CLOCK: variants seen among roughly 807,000 people sequenced by gnomAD.
CLOCK encodes the protein clock circadian regulator.
CLOCK carries 43 observed loss-of-function variants against 118.4 expected under a neutral mutation model. The ratio of observed to expected loss-of-function variants is 0.36; its 90% confidence interval spans 0.28 to 0.47. The LOEUF is 0.47. CLOCK is among the 20% of genes least tolerant of loss of function. The pLI is 1.00. For synonymous variants in CLOCK, 326 were observed against 339.2 expected (o/e 0.96, Z 0.43); for missense variants, 846 against 999.9 (o/e 0.85, Z 2.08).
intron 1 of CLOCK, among the ~76,000 whole-genome samples, chr4:55,539,401 C>A (rs1439178379): frequency 6.6e-6 from 1 of 151,684 alleles, no homozygotes; most frequent in Non-Finnish European, 1.5e-5. Flanking sequence ...TGACAAGACC[C>A]CGCCTATACA....
At chr4:55,484,953 G>A (rs1252312114) in intron 3 of CLOCK, among the ~76,000 whole-genome samples, 7 of 151,998 alleles carry the variant, frequency 4.6e-5, no homozygotes, top group Admixed American at 2.0e-4. Context: ...ATAGAACAAC[G>A]TAAGATCTCT....
At position 55,479,702 on chromosome 4, in the gene CLOCK, AAAAG is replaced by A; in HGVS notation, c.48-7_48-4del. Reference sequence around the variant, plus strand: ...CATCAAAAATACTACTGTCATCTCTAAAAGAAAGCGGATAGAGAAAGTAAGAGCA... The same window carrying A: ...CATCAAAAATACTACTGTCATCTCTAAAAGCGGATAGAGAAAGTAAGAGCA... On this transcript the variant is annotated splice_region_variant and splice_polypyrimidine_tract_variant and intron_variant, in intron 4 of 22. Coordinates refer to ENST00000513440, the MANE Select transcript of CLOCK (RefSeq NM_004898.4). 1.2e-6 allele frequency: 2 copies of A among 1,612,434 alleles called. No individual in the cohort carries two copies. The highest frequency in any genetic ancestry group is 8.5e-7 in the Non-Finnish European group (1 of 1,178,836).
intron 20 of CLOCK, among the ~76,000 whole-genome samples, 165 bp from the exon 21 acceptor site, chr4:55,442,799 C>G (rs1393666349): frequency 6.6e-6 from 1 of 151,886 alleles, no homozygotes; most frequent in Non-Finnish European, 1.5e-5. Context: ...CTCGTGGTAA[C>G]TGAGAATGAA....
At position 55,449,402 on chromosome 4, in the gene CLOCK, A is replaced by G. The variant is rs1475562022; in HGVS notation, c.1443T>C (p.Ser481=). The change falls in exon 17 of 23, where the codon AGT becomes AGC. Residue 481 remains serine, a synonymous_variant. Coordinates refer to ENST00000513440, the MANE Select transcript of CLOCK (RefSeq NM_004898.4). ...EKMVQRRSSF[S]SQSINSQSVG... is the part of the protein sequence containing the mutation. ...TATCCACTAAAGAGCTTACCTGACT[A>G]CTAAATGATGACCTTCTTTGCACCA... is the stretch of plus-strand genomic sequence containing the variant. 1.2e-6 allele frequency: 2 copies of G among 1,613,134 alleles called. No homozygotes were observed. Among genetic ancestry groups the G allele is most frequent in the African/African-American group, 1.3e-5 (1 of 75,030 alleles).
At chr4:55,470,911 C>T in intron 7 of CLOCK, 105 bp from the exon 8 acceptor site, 2 of 777,916 alleles carry the variant, frequency 2.6e-6, no homozygotes, top group Non-Finnish European at 4.4e-6. Flanking sequence ...TGGAAATATC[C>T]AAAGTTCTGT....
Position 55,438,362 on chromosome 4 carries a change from TCTGCTGCTG to T in CLOCK, c.2272_2280del (p.Gln758_Gln760del). The stretch of plus-strand genomic sequence containing the variant: ...GAAGTGAGCTGCTGCTCCTGGGAGC[TCTGCTGCTG>T]CTGCTGCTGCGTTACTGACAATGTC... On this transcript the variant is annotated inframe_deletion, in exon 22 of 23. Coordinates refer to ENST00000513440, the MANE Select transcript of CLOCK (RefSeq NM_004898.4). 6.2e-7 allele frequency: 1 copy of T among 1,613,030 alleles called. No homozygotes were observed. Among genetic ancestry groups the T allele is most frequent in the Non-Finnish European group, 8.5e-7 (1 of 1,179,484 alleles).
At chr4:55,442,691 G>T (rs1723469848) in intron 20 of CLOCK, 57 bp from the exon 21 acceptor site, 1 of 1,418,044 alleles carries the variant, frequency 7.1e-7, no homozygotes, top group Non-Finnish European at 9.8e-7. Flanking sequence ...TATTTGGGAA[G>T]TATGCTAGAA....
chr4:55,449,887 C>T (rs369336893), intron 16 of CLOCK, among the ~76,000 whole-genome samples: 15 of 152,292 alleles, frequency 9.8e-5, no homozygotes, highest in African/African-American at 3.4e-4. Flanking sequence ...TTACCACCTA[C>T]ACATTTTAAT....
intron 2 of CLOCK, among the ~76,000 whole-genome samples, chr4:55,506,986 T>C (rs1432528558): frequency 6.6e-6 from 1 of 152,124 alleles, no homozygotes; most frequent in East Asian, 1.9e-4. Flanking sequence ...TTTATACAAA[T>C]AAATTTGGCC....
At chr4:55,495,795 C>T (rs1008446544) in intron 2 of CLOCK, among the ~76,000 whole-genome samples, 4 of 152,094 alleles carry the variant, frequency 2.6e-5, no homozygotes, top group South Asian at 2.1e-4. Flanking sequence ...AAAGACCCTC[C>T]GTATCCTCAA....
chr4:55,510,497 T>C (rs3828481), intron 1 of CLOCK, among the ~76,000 whole-genome samples: 88,775 of 151,770 alleles, frequency 0.58, 27,565 homozygotes, highest in South Asian at 0.81. Flanking sequence ...CATGGTGGCA[T>C]GCACCTATAA....
At chr4:55,528,816 A>C (rs1730361743) in intron 1 of CLOCK, among the ~76,000 whole-genome samples, 2 of 152,228 alleles carry the variant, frequency 1.3e-5, no homozygotes, top group Admixed American at 1.3e-4. Flanking sequence ...AACTGAACAG[A>C]AAGAAACTGG....
chr4:55,428,431 C>G lies in CLOCK; in HGVS notation c.*6984G>C, dbSNP rs943853925. 4 of 152,144 alleles carry G rather than the reference C, an allele frequency of 2.6e-5. No individual in the cohort carries two copies. The highest frequency in any genetic ancestry group is 6.5e-5 in the Admixed American group (1 of 15,274). The allele number at this position is 152,144 out of a possible 1,614,324, so 9.4% of individuals were successfully genotyped here. On this transcript the variant is annotated 3_prime_UTR_variant, in exon 23 of 23. Coordinates refer to ENST00000513440, the MANE Select transcript of CLOCK (RefSeq NM_004898.4). ...ATGAAAATCAGAGAACCTAATATAG[C>G]ACCGTTGAAACCATTCATTATCCTT...
intron 9 of CLOCK, among the ~76,000 whole-genome samples, chr4:55,462,797 C>A (rs577712229): frequency 2.0e-5 from 3 of 151,990 alleles, no homozygotes; most frequent in Admixed American, 6.6e-5. Flanking sequence ...TCTCAACTCT[C>A]GCTGAAAGGC....
At chr4:55,443,927 C>G in intron 19 of CLOCK, 31 bp from the exon 20 acceptor site, 3 of 1,586,330 alleles carry the variant, frequency 1.9e-6, no homozygotes, top group Non-Finnish European at 2.6e-6. Flanking sequence ...TTAAAATGAG[C>G]TTTGTAGATT....
chr4:55,460,196 T>A (rs1725230163), intron 9 of CLOCK, among the ~76,000 whole-genome samples: 1 of 152,180 alleles, frequency 6.6e-6, no homozygotes, highest in South Asian at 2.1e-4. Context: ...TTAAAAGTCA[T>A]CCTTTGTCAT....
At chr4:55,531,644 G>A (rs924731875) in intron 1 of CLOCK, among the ~76,000 whole-genome samples, 3 of 135,178 alleles carry the variant, frequency 2.2e-5, no homozygotes, top group Admixed American at 8.4e-5. Flanking sequence ...GGCAGAGGTT[G>A]TAGTGAGTCG....
intron 2 of CLOCK, among the ~76,000 whole-genome samples, chr4:55,506,268 G>T (rs1371087364): frequency 6.6e-6 from 1 of 151,770 alleles, no homozygotes; most frequent in South Asian, 2.1e-4. Context: ...GGCTGGTCTT[G>T]AACTCCTAGG....
chr4:55,476,379 T>C (rs1391101137), intron 6 of CLOCK, among the ~76,000 whole-genome samples: 1 of 152,188 alleles, frequency 6.6e-6, no homozygotes, highest in Admixed American at 6.5e-5. Context: ...CCAAGAATTT[T>C]GAAGCAATTC....
Sources: gnomAD v4.1 joint callset for allele counts (sites outside exome capture counted in the v4.1 genomes callset) on GRCh38, gnomAD v4.1.1 for gene constraint, MANE v1.5 for transcripts, NCBI Gene and HGNC (gene_info 2026-07-23, HGNC 2026-07-21) for gene names.